COL12A1: variants seen among roughly 807,000 people sequenced by gnomAD.
COL12A1 encodes collagen type XII alpha 1 chain.
COL12A1 carries 114 observed loss-of-function variants against 349.7 expected under a neutral mutation model. That is an observed-to-expected ratio of 0.33 (90% CI 0.28 to 0.38). COL12A1 has a LOEUF of 0.38. COL12A1 is among the 10% of genes least tolerant of loss of function. The pLI is 1.00. For missense variants in COL12A1, 3,284 were observed against 3,756.9 expected, an observed-to-expected ratio of 0.87 and a Z score of 3.29; for synonymous variants, 1,369 against 1,329.0, an observed-to-expected ratio of 1.03 and a Z score of -0.66.
chr6:75,108,852 T>A (rs777539158), intron 52 of COL12A1, among the ~76,000 whole-genome samples, 166 bp downstream of exon 52: 15 of 152,338 alleles, frequency 9.8e-5, no homozygotes, highest in Admixed American at 3.9e-4. Context: ...TCTGTGGACA[T>A]ATTTTCTCAA....
At position 75,119,197 on chromosome 6, in the gene COL12A1, T is replaced by G; in HGVS notation, c.7211-11A>C. 1 of 1,613,824 alleles carries G rather than the reference T, an allele frequency of 6.2e-7. No homozygotes were observed. Among genetic ancestry groups the G allele is most frequent in the Non-Finnish European group, 8.5e-7 (1 of 1,179,870 alleles). ...ACGTGAGGGCCTTGCCTACAGAATG[T>G]GGCATGGAAAATTTTAGTGTCACTT... On this transcript the variant is annotated splice_polypyrimidine_tract_variant and intron_variant, in intron 45 of 65. Coordinates refer to ENST00000322507, the MANE Select transcript of COL12A1 (RefSeq NM_004370.6).
At chr6:75,140,923 C>G (rs538864934) in intron 27 of COL12A1, among the ~76,000 whole-genome samples, 1 of 152,186 alleles carries the variant, frequency 6.6e-6, no homozygotes, top group South Asian at 2.1e-4. Context: ...TAAAATGTGG[C>G]TAGTCTGAAT....
chr6:75,191,071 G>C (rs1582211946), intron 5 of COL12A1, among the ~76,000 whole-genome samples: 1 of 151,822 alleles, frequency 6.6e-6, no homozygotes, highest in African/African-American at 2.4e-5. Context: ...AGTCAGAAAA[G>C]CAATATAAGA....
intron 15 of COL12A1, among the ~76,000 whole-genome samples, 158 bp downstream of exon 15, chr6:75,156,099 T>C (rs867951994): frequency 3.9e-5 from 6 of 152,178 alleles, no homozygotes; most frequent in South Asian, 4.1e-4. Flanking sequence ...AGGAACTAGA[T>C]TGGTAAAAAT....
intron 37 of COL12A1, among the ~76,000 whole-genome samples, chr6:75,129,012 C>A (rs772165590): frequency 1.3e-5 from 2 of 152,228 alleles, no homozygotes; most frequent in African/African-American, 4.8e-5. Flanking sequence ...TAAACCTATG[C>A]TTTGCTTCTA....
intron 18 of COL12A1, 27 bp from the exon 19 acceptor site, chr6:75,152,277 C>T: frequency 6.2e-7 from 1 of 1,613,568 alleles, no homozygotes; most frequent in Non-Finnish European, 8.5e-7. Context: ...GGCATTAGTG[C>T]ATGTGAAAGA....
intron 1 of COL12A1, 125 bp from the exon 2 acceptor site, chr6:75,202,952 C>G: frequency 1.6e-6 from 1 of 607,724 alleles, no homozygotes; most frequent in Non-Finnish European, 2.9e-6. Flanking sequence ...AGGGCCTACT[C>G]CAGCACATAA....
At chr6:75,112,844 G>A (rs542163598) in intron 51 of COL12A1, among the ~76,000 whole-genome samples, 18 of 151,426 alleles carry the variant, frequency 1.2e-4, no homozygotes, top group Admixed American at 4.6e-4. Flanking sequence ...AAAGCAAGCA[G>A]AAGAAATATT....
intron 65 of COL12A1, 177 bp downstream of exon 65, chr6:75,087,400 C>G (rs550350661): frequency 1.9e-5 from 11 of 574,960 alleles, no homozygotes; most frequent in African/African-American, 1.6e-4. Context: ...TCAATCCTAA[C>G]AGTGAAATAA....
In COL12A1 at chr6:75,145,341, C is replaced by T. The variant is rs373826197; in HGVS notation, c.4675G>A (p.Val1559Ile). 5.0e-6 allele frequency: 8 copies of T among 1,609,458 alleles called. No homozygotes were observed. In the African/African-American group the frequency reaches 5.3e-5, roughly 11 times the overall value. The change falls in exon 25 of 66, where the codon GTT becomes ATT. Residue 1559 changes from valine (V) to isoleucine (I), a missense_variant. By Grantham distance (29) the Val-to-Ile change is conservative. Transcript: ENST00000322507. ...LHDLTSEPVT[V>I]REVTLPLPRP... Reference sequence around the variant, plus strand: ...AGTAGCTTACAGGTGACTTCCCGAACAGTGACAGGTTCACTAGTGAGGTCG... The same window carrying T: ...AGTAGCTTACAGGTGACTTCCCGAATAGTGACAGGTTCACTAGTGAGGTCG...
At position 75,192,296 on chromosome 6, in the gene COL12A1, G is replaced by T. The variant is rs770970810; in HGVS notation, c.250C>A (p.Leu84Ile). Residue 84 changes from leucine (L) to isoleucine (I), a missense_variant, in exon 4 of 66, where the codon CTT becomes ATT. Physicochemically the swap from Leu to Ile is conservative, Grantham distance 5. This residue lies in a region of COL12A1 where 2,601 missense variants were observed against 2,824.8 expected (regional missense o/e 0.92). Transcript: ENST00000322507. ...ASTTETLLSE[L>I]VPETEYVVTI... ...ACCACATACTCTGTTTCAGGTACAA[G>T]TTCTGACAATAAAGTTTCAGTGGTA... is the stretch of plus-strand genomic sequence containing the variant. 1 of 1,611,732 alleles carries T rather than the reference G, an allele frequency of 6.2e-7. No individual in the cohort carries two copies. The highest frequency in any genetic ancestry group is 1.3e-5 in the African/African-American group (1 of 74,944).
At position 75,095,148 on chromosome 6, in the gene COL12A1, G is replaced by C. The variant is rs751638930; in HGVS notation, c.8609C>G (p.Pro2870Arg). Residue 2870 changes from proline to arginine, a missense_variant, in exon 60 of 66, where the codon CCA (proline) becomes CGA (arginine). Around this residue, in one of 2 missense-constraint regions of COL12A1, gnomAD observed 683 missense variants for 932.1 expected, o/e 0.73. Coordinates refer to ENST00000322507, the MANE Select transcript of COL12A1 (RefSeq NM_004370.6). ...GSPGSPGVTG[P>R]SGKPGKPGDH... Reference sequence around the variant, plus strand: ...TCCAGGTTTTCCTGGCTTCCCACTTGGTCCTGTGACTCCTGGGGAGCCTGG... The same window carrying C: ...TCCAGGTTTTCCTGGCTTCCCACTTCGTCCTGTGACTCCTGGGGAGCCTGG... 7 of 1,613,926 alleles carry C rather than the reference G, an allele frequency of 4.3e-6. No individual in the cohort carries two copies. Among genetic ancestry groups the C allele is most frequent in the Non-Finnish European group, 5.9e-6 (7 of 1,180,006 alleles).
intron 4 of COL12A1, 111 bp from the exon 5 acceptor site, chr6:75,191,871 C>T (rs1450171494): frequency 5.1e-6 from 3 of 586,278 alleles, no homozygotes; most frequent in Non-Finnish European, 8.0e-6. Flanking sequence ...AAATGTATGG[C>T]TCTGCCCAGC....
chr6:75,118,531 A>G (rs889898408), intron 46 of COL12A1, among the ~76,000 whole-genome samples: 8 of 152,218 alleles, frequency 5.3e-5, no homozygotes, highest in African/African-American at 1.9e-4. Flanking sequence ...TAACTAATCC[A>G]AAGAACAGTG....
intron 38 of COL12A1, among the ~76,000 whole-genome samples, chr6:75,126,972 G>A (rs951562067): frequency 6.6e-6 from 1 of 152,036 alleles, no homozygotes; most frequent in Admixed American, 6.6e-5. Flanking sequence ...AGCTTCCAGA[G>A]ATACTGCCCC....
At chr6:75,113,349 C>T (rs1486381841) in intron 50 of COL12A1, 36 bp from the exon 51 acceptor site, 1 of 1,281,438 alleles carries the variant, frequency 7.8e-7, no homozygotes, top group African/African-American at 1.6e-5. Flanking sequence ...AAATCATATG[C>T]ATTGTATAAT....
intron 26 of COL12A1, among the ~76,000 whole-genome samples, chr6:75,142,401 G>A (rs1385146636): frequency 6.6e-6 from 1 of 152,056 alleles, no homozygotes; most frequent in Non-Finnish European, 1.5e-5. Flanking sequence ...TACTGCCTAT[G>A]TATTCAAAAA....
chr6:75,085,602 AC>A lies in COL12A1; in HGVS notation c.*944del. On this transcript the variant is annotated 3_prime_UTR_variant, in exon 66 of 66. Transcript: ENST00000322507. ...ATCCAGCAGTAAACACAATCATTGC[AC>A]AAATACTTGGGAAGGGTCAGAGACT... 3.2e-6 allele frequency: 1 copy of A among 315,764 alleles called. No homozygotes were observed. Among genetic ancestry groups the A allele is most frequent in the South Asian group, 2.6e-5 (1 of 37,900 alleles). 19.6% of individuals were successfully genotyped at this position (315,764 alleles called of 1,614,324 possible).
chr6:75,124,067 C>T lies in COL12A1; in HGVS notation c.6752G>A (p.Arg2251His), dbSNP rs151324784. 3.2e-4 allele frequency: 521 copies of T among 1,613,714 alleles called. No homozygotes were observed. The highest frequency in any genetic ancestry group is 5.0e-4 in the Middle Eastern group (3 of 6,060). Residue 2251 changes from arginine (R) to histidine (H), a missense_variant, in exon 42 of 66, where the codon CGT becomes CAT. Around this residue, in one of 2 missense-constraint regions of COL12A1, gnomAD observed 2,601 missense variants for 2,824.8 expected, o/e 0.92. Transcript: ENST00000322507. ...GAAGCAGTGACTGGTTTCTGATCCA[C>T]GCACTGTAATTTCTTGTCCCCTTGT... is the stretch of plus-strand genomic sequence containing the variant. ...DGTRGQEITVRGSETSHCFTG... is the reference protein window; with the variant it reads ...DGTRGQEITVHGSETSHCFTG...
Sources: allele counts gnomAD v4.1 joint callset (sites outside exome capture counted in the v4.1 genomes callset), GRCh38; gene constraint gnomAD v4.1.1; regional missense constraint gnomAD v4.1.1; transcripts MANE v1.5; gene names NCBI Gene and HGNC (gene_info 2026-07-23, HGNC 2026-07-21).